The following MAPK11 variants were observed in gnomAD, a reference collection of about 807,000 sequenced individuals.
The protein encoded by MAPK11 is MAP kinase 11.
A neutral mutation model predicts 52.2 loss-of-function variants in MAPK11; 44 were observed. The ratio of observed to expected loss-of-function variants is 0.84; its 90% CI spans 0.66 to 1.08. The LOEUF (loss-of-function observed/expected upper bound fraction) is 1.08, where lower values mean the gene tolerates loss of function less well. Among genes scored for constraint, MAPK11 ranks in the 50% least tolerant of loss-of-function variants. The pLI is 0.00. For synonymous variants in MAPK11, 233 were observed against 206.3 expected, an observed-to-expected ratio of 1.13 and a Z score of -1.11; for missense variants, 436 against 494.7, an observed-to-expected ratio of 0.88 and a Z score of 1.13.
At chr22:50,269,193 T>C (rs1037246310) in intron 1 of MAPK11, among the ~76,000 whole-genome samples, 8 of 152,148 alleles carry the variant, frequency 5.3e-5, no homozygotes, top group Non-Finnish European at 1.2e-4. Flanking sequence ...AAGACAGATC[T>C]GTGCTGGCAT....
In MAPK11 at chr22:50,265,023, G is replaced by T; in HGVS notation, c.1020C>A (p.Leu340=). Reference sequence around the variant, plus strand: ...TGAAGCTGAGGACTTCCTGGTAAGTGAGCTCTAGGAGGTGAAGGGAAAGGG... The same window carrying T: ...TGAAGCTGAGGACTTCCTGGTAAGTTAGCTCTAGGAGGTGAAGGGAAAGGG... ...KERTLEEWKE[L]TYQEVLSFKP... Residue 340 remains leucine (L), a synonymous_variant, in exon 12 of 12, where the codon CTC becomes CTA. Coordinates refer to ENST00000330651, the MANE Select transcript of MAPK11 (RefSeq NM_002751.7). The T allele has an allele frequency of 6.2e-7, 1 of 1,612,730 alleles. No homozygotes were observed. The highest frequency in any genetic ancestry group is 8.5e-7 in the Non-Finnish European group (1 of 1,179,386).
intron 1 of MAPK11, among the ~76,000 whole-genome samples, chr22:50,269,481 C>G (rs1415901483): frequency 6.6e-6 from 1 of 152,208 alleles, no homozygotes; most frequent in Non-Finnish European, 1.5e-5. Context: ...TACCCATGAT[C>G]AGCCTCCCAG....
chr22:50,266,216 A>AC lies in MAPK11; in HGVS notation c.762+9dup. 2 of 1,575,282 alleles carry AC rather than the reference A, an allele frequency of 1.3e-6. No homozygotes were observed. Among genetic ancestry groups the AC allele is most frequent in the Non-Finnish European group, 1.7e-6 (2 of 1,159,188 alleles). On this transcript the variant is annotated intron_variant, in intron 9 of 11. Coordinates refer to ENST00000330651, the MANE Select transcript of MAPK11 (RefSeq NM_002751.7). ...GAGAGGGAGCTGCTGGCTGGCGGGC[A>AC]CCAACTCACGTGTTCTGAGGAGATT...
rs1392754892 is a variant in MAPK11 at position 50,264,219 on chromosome 22, C to T, written c.*729G>A. ...AGGGAAGGCAACAGCACACCCACCC[C>T]GGCTCCAGCTTCTTGCCAGATATGG... On this transcript the variant is annotated 3_prime_UTR_variant, in exon 12 of 12. Transcript: ENST00000330651. 2.0e-5 allele frequency: 3 copies of T among 152,318 alleles called. No individual in the cohort carries two copies. Among genetic ancestry groups the T allele is most frequent in the East Asian group, 3.8e-4 (2 of 5,202 alleles). The allele number at this position is 152,318 out of a possible 1,614,324, so 9.4% of individuals were successfully genotyped here. A position where few individuals can be genotyped will look rare whatever the true frequency, so the allele number is the denominator to read the frequency against.
chr22:50,270,259 C>T lies in MAPK11; in HGVS notation c.34G>A (p.Glu12Lys). Residue 12 changes from glutamate (E) to lysine (K), a missense_variant, in exon 1 of 12, where the codon GAG becomes AAG. By Grantham distance (56) the Glu-to-Lys change is moderately conservative. Transcript: ENST00000330651. This position sits in a 1 kb window ranked among gnomAD's most constrained non-coding sequence, Gnocchi z 6.3. ...ACCTCCCACACGGTCTTGTTCAGCT[C>T]CTGCCGGTAGAAGCCGGCGCGAGGG... ...SGPRAGFYRQ[E>K]LNKTVWEVPQ... The T allele has an allele frequency of 6.9e-7, 1 of 1,451,556 alleles. No individual in the cohort carries two copies. Among genetic ancestry groups the T allele is most frequent in the Non-Finnish European group, 9.1e-7 (1 of 1,100,814 alleles). 89.9% of individuals were successfully genotyped at this position (1,451,556 alleles called of 1,614,324 possible).
chr22:50,270,226 G>A lies in MAPK11; in HGVS notation c.67C>T (p.Arg23Trp). 1.3e-6 allele frequency: 2 copies of A among 1,507,440 alleles called. No individual in the cohort carries two copies. The highest frequency in any genetic ancestry group is 2.2e-5 in the Admixed American group (1 of 45,502). 93.4% of individuals were successfully genotyped at this position (1,507,440 alleles called of 1,614,324 possible). The change falls in exon 1 of 12, where the codon CGG becomes TGG. Residue 23 changes from arginine (R) to tryptophan (W), a missense_variant. Transcript: ENST00000330651. This position sits in a 1 kb window ranked among gnomAD's most constrained non-coding sequence, Gnocchi z 6.3. ...CCCACCGGGCGCAGCCCCTGCAGCC[G>A]CTGCGGCACCTCCCACACGGTCTTG... ...LNKTVWEVPQ[R>W]LQGLRPVGSG...
rs1326803125 is a variant in MAPK11, at chr22:50,266,712, C to T, written c.611-101G>A. ...AGACCCCAAGATGGGCAGACCCCCT[C>T]CTCTGCCATACCCAACCCCCCTAGG... is the stretch of plus-strand genomic sequence containing the variant. On this transcript the variant is annotated intron_variant, in intron 7 of 11. Coordinates refer to ENST00000330651, the MANE Select transcript of MAPK11 (RefSeq NM_002751.7). 2.5e-6 allele frequency: 3 copies of T among 1,188,248 alleles called. No homozygotes were observed. In the African/African-American group the frequency reaches 4.5e-5, roughly 18 times the overall value. The allele number at this position is 1,188,248 out of a possible 1,614,324, so 73.6% of individuals were successfully genotyped here. A position where few individuals can be genotyped will look rare whatever the true frequency, so the allele number is the denominator to read the frequency against.
intron 11 of MAPK11, 83 bp downstream of exon 11, chr22:50,265,238 G>T: frequency 6.4e-7 from 1 of 1,554,018 alleles, no homozygotes. Flanking sequence ...GACCAGTCTG[G>T]AGAGGAACTG....
chr22:50,265,487 G>T lies in MAPK11; in HGVS notation c.849C>A (p.Asp283Glu), dbSNP rs867812372. The T allele has an allele frequency of 1.2e-6, 2 of 1,613,024 alleles. No individual in the cohort carries two copies. Among genetic ancestry groups the T allele is most frequent in the Non-Finnish European group, 1.7e-6 (2 of 1,179,998 alleles). The change falls in exon 11 of 12, where the codon GAC (aspartate) becomes GAA (glutamate). Residue 283 changes from aspartate to glutamate, a missense_variant. Transcript: ENST00000330651. ...IFRGANPLAIDLLGRMLVLDS... is the reference protein window; with the variant it reads ...IFRGANPLAIELLGRMLVLDS... The stretch of plus-strand genomic sequence containing the variant: ...CCAGCACCAGCATCCTTCCAAGGAG[G>T]TCTATGGCTGCAGGGAAGCCAGTGG...
intron 2 of MAPK11, 23 bp downstream of exon 2, chr22:50,267,797 C>T (rs1413796784): frequency 2.6e-6 from 4 of 1,521,142 alleles, no homozygotes; most frequent in Non-Finnish European, 3.5e-6. Context: ...GCGCCCTCCC[C>T]CCACGGCCCT....
intron 7 of MAPK11, 141 bp from the exon 8 acceptor site, chr22:50,266,752 T>C (rs774686364): frequency 7.2e-6 from 7 of 976,802 alleles, no homozygotes; most frequent in Non-Finnish European, 1.1e-5. Context: ...GGGAGGTCCA[T>C]AGCTGCACAG....
rs565706201 is a variant in MAPK11, at chr22:50,266,569, T to C, written c.653A>G (p.Gln218Arg). Residue 218 changes from glutamine to arginine, a missense_variant, in exon 8 of 12, where the codon CAG becomes CGG. Coordinates refer to ENST00000330651, the MANE Select transcript of MAPK11 (RefSeq NM_002751.7). ...SVGCIMAELL[Q>R]GKALFPGSDY... is the part of the protein sequence containing the mutation. ...GCTTCCCGGGAAGAGGGCCTTGCCC[T>C]GGAGCAGCTCAGCCATGATGCAGCC... The C allele has an allele frequency of 5.3e-6, 8 of 1,521,080 alleles. No individual in the cohort carries two copies. In the African/African-American group the frequency reaches 8.3e-5, roughly 16 times the overall value. The allele number at this position is 1,521,080 out of a possible 1,614,324, so 94.2% of individuals were successfully genotyped here.
intron 1 of MAPK11, among the ~76,000 whole-genome samples, chr22:50,269,327 A>G (rs1252149998): frequency 6.6e-6 from 1 of 152,098 alleles, no homozygotes; most frequent in Non-Finnish European, 1.5e-5. Flanking sequence ...GTGGGCCTAG[A>G]GGTCCCACTT....
chr22:50,267,647 A>G lies in MAPK11; in HGVS notation c.247-20T>C. 1 of 1,524,992 alleles carries G rather than the reference A, an allele frequency of 6.6e-7. No homozygotes were observed. The highest frequency in any genetic ancestry group is 8.8e-7 in the Non-Finnish European group (1 of 1,138,390). 94.5% of individuals were successfully genotyped at this position (1,524,992 alleles called of 1,614,324 possible). A position where few individuals can be genotyped will look rare whatever the true frequency, so the allele number is the denominator to read the frequency against. On this transcript the variant is annotated intron_variant, in intron 2 of 11. Transcript: ENST00000330651. ...GATGACCTAGGTGGCGGGGGGCGTC[A>G]GGGCCGGGCGACGAACCCCCGGCTG...
intron 2 of MAPK11, 26 bp from the exon 3 acceptor site, chr22:50,267,653 G>A (rs1426085870): frequency 2.6e-6 from 4 of 1,520,094 alleles, no homozygotes; most frequent in Non-Finnish European, 3.5e-6. Context: ...CGTCAGGGCC[G>A]GGCGACGAAC....
chr22:50,268,058 G>A, intron 1 of MAPK11, 109 bp from the exon 2 acceptor site: 3 of 1,253,862 alleles, frequency 2.4e-6, no homozygotes, highest in South Asian at 1.7e-5. Context: ...ATGGGGCCGT[G>A]GGGCTTTTCT....
intron 2 of MAPK11, 79 bp downstream of exon 2, chr22:50,267,741 C>A (rs2065277114): frequency 1.4e-6 from 2 of 1,441,684 alleles, no homozygotes; most frequent in Admixed American, 2.7e-5. Flanking sequence ...CCCCCATCGC[C>A]AGGGCTCGCC....
chr22:50,270,244 C>T lies in MAPK11; in HGVS notation c.49G>A (p.Val17Met). Residue 17 changes from valine to methionine, a missense_variant, in exon 1 of 12, where the codon GTG becomes ATG. Val to Met is a conservative substitution (Grantham distance 21). Coordinates refer to ENST00000330651, the MANE Select transcript of MAPK11 (RefSeq NM_002751.7). The surrounding 1 kb of genome is among the most constrained non-coding windows in gnomAD (Gnocchi z 6.3). ...GFYRQELNKT[V>M]WEVPQRLQGL... ...TGCAGCCGCTGCGGCACCTCCCACA[C>T]GGTCTTGTTCAGCTCCTGCCGGTAG... is the stretch of plus-strand genomic sequence containing the variant. The T allele has an allele frequency of 1.3e-6, 2 of 1,490,112 alleles. No homozygotes were observed. Among genetic ancestry groups the T allele is most frequent in the Non-Finnish European group, 1.8e-6 (2 of 1,123,356 alleles). 92.3% of individuals were successfully genotyped at this position (1,490,112 alleles called of 1,614,324 possible). A position where few individuals can be genotyped will look rare whatever the true frequency, so the allele number is the denominator to read the frequency against.
At chr22:50,267,769 G>A (rs771228208) in intron 2 of MAPK11, 51 bp downstream of exon 2, 12 of 1,435,012 alleles carry the variant, frequency 8.4e-6, no homozygotes, top group Middle Eastern at 2.4e-4. Context: ...TGGCTGCGCC[G>A]CGGCCCCGCC....
Sources: gnomAD v4.1 joint callset for allele counts (sites outside exome capture counted in the v4.1 genomes callset) on GRCh38, gnomAD v4.1.1 for gene constraint, Gnocchi (gnomAD v3.1) non-coding constraint, MANE v1.5 for transcripts, NCBI Gene and HGNC (gene_info 2026-07-23, HGNC 2026-07-21) for gene names.